MAML3: variants seen among roughly 807,000 people sequenced by gnomAD.
The protein encoded by MAML3 is mastermind-like protein 3.
A neutral mutation model predicts 101.9 loss-of-function variants in MAML3; 27 were observed. The observed-to-expected ratio is 0.27, with a 90% confidence interval of 0.20 to 0.37. The LOEUF is 0.37. MAML3 is among the 10% of genes least tolerant of loss of function. MAML3 has a pLI of 1.00. For missense variants in MAML3, 1,316 were observed against 1,444.9 expected, an observed-to-expected ratio of 0.91 and a Z score of 1.45; for synonymous variants, 501 against 555.9, an observed-to-expected ratio of 0.90 and a Z score of 1.39.
chr4:139,934,551 C>T (rs1367247508), intron 1 of MAML3, among the ~76,000 whole-genome samples: 3 of 152,058 alleles, frequency 2.0e-5, no homozygotes, highest in East Asian at 3.9e-4. Context: ...TCCATCACCC[C>T]CTCAGAAAGA....
Position 139,845,272 on chromosome 4 carries a change from T to C in MAML3, c.2079+44085A>G, listed in dbSNP as rs542444862. Among the ~76,000 whole-genome samples, 5 of 152,162 alleles carry C rather than the reference T, an allele frequency of 3.3e-5. No homozygotes were observed. The South Asian group carries it at 1.0e-3, about 32-fold the overall frequency. ...GGTGACAGAGAGGGGGAACTAGACA[T>C]GTGGCTGCATTAGACAGAGTACACA... On this transcript the variant is annotated intron_variant, in intron 2 of 4. Transcript: ENST00000509479.
At chr4:139,902,269 A>ACACGCGCG (rs1732741208) in intron 1 of MAML3, among the ~76,000 whole-genome samples, 2 of 68,404 alleles carry the variant, frequency 2.9e-5, no homozygotes, top group Non-Finnish European at 1.0e-4. Flanking sequence ...ACACGCACAC[A>ACACGCGCG]CACACGCACA....
chr4:139,737,107 T>C (rs749596782), intron 2 of MAML3, among the ~76,000 whole-genome samples: 10 of 152,120 alleles, frequency 6.6e-5, no homozygotes, highest in Non-Finnish European at 7.4e-5. Flanking sequence ...TCCCCTATAA[T>C]GCCCTTGCTA....
At chr4:140,011,334 C>CGTG (rs1726556729) in intron 1 of MAML3, among the ~76,000 whole-genome samples, 1 of 81,012 alleles carries the variant, frequency 1.2e-5, no homozygotes, top group Non-Finnish European at 3.0e-5. Context: ...TCAAGGTTTT[C>CGTG]TTGTTTTGTT....
chr4:139,719,696 G>A lies in MAML3; in HGVS notation c.3044C>T (p.Thr1015Met), dbSNP rs370016853. 1.1e-5 allele frequency: 18 copies of A among 1,613,568 alleles called. No homozygotes were observed. The highest frequency in any genetic ancestry group is 6.6e-5 in the South Asian group (6 of 91,012). The change falls in exon 5 of 5, where the codon ACG (threonine) becomes ATG (methionine). Residue 1015 changes from threonine to methionine, a missense_variant. By Grantham distance (81) the Thr-to-Met change is moderately conservative. Transcript: ENST00000509479. ...TGGGTTGAGGGTCCTCACTGTGCCC[G>A]TGTTAGCATCCACGACTGACTGGCT... ...GLSQSVVDAN[T>M]GTVRTLNPAA...
rs116088978 is a variant in MAML3 at position 139,746,910 on chromosome 4, G to A, written c.2080-16243C>T. On this transcript the variant is annotated intron_variant, in intron 2 of 4. Coordinates refer to ENST00000509479, the MANE Select transcript of MAML3 (RefSeq NM_018717.5). ...AATCGGGTGGGAGGGGGTTGCTGGC[G>A]TCTGCTGTCCTGGACTAGGCCAGCT... Among the ~76,000 whole-genome samples, 756 of 152,224 alleles carry A rather than the reference G, an allele frequency of 5.0e-3. 9 individuals are homozygous for A. Among genetic ancestry groups the A allele is most frequent in the African/African-American group, 0.016 (668 of 41,522 alleles).
At chr4:139,915,284 A>T (rs1733005108) in intron 1 of MAML3, among the ~76,000 whole-genome samples, 1 of 152,250 alleles carries the variant, frequency 6.6e-6, no homozygotes. Flanking sequence ...CAGGAAGAGA[A>T]AAAAACCAAC....
intron 2 of MAML3, among the ~76,000 whole-genome samples, chr4:139,742,378 A>G (rs988465220): frequency 6.6e-6 from 1 of 151,946 alleles, no homozygotes; most frequent in Non-Finnish European, 1.5e-5. Flanking sequence ...CAAACTCCTG[A>G]CCCCAGGTAA....
At chr4:139,814,025 AACACACACAC>A (rs70943442) in intron 2 of MAML3, among the ~76,000 whole-genome samples, 14 of 145,136 alleles carry the variant, frequency 9.6e-5, no homozygotes, top group Admixed American at 2.1e-4. Context: ...CACAAACACA[AACACACACAC>A]ACACACACAC....
chr4:140,043,924 C>T (rs1727133012), intron 1 of MAML3, among the ~76,000 whole-genome samples: 1 of 152,124 alleles, frequency 6.6e-6, no homozygotes, highest in Admixed American at 6.6e-5. Context: ...GAAAAGTAAG[C>T]AGCGTCTTTT....
At chr4:140,109,282 A>G (rs923600450) in intron 1 of MAML3, among the ~76,000 whole-genome samples, 1 of 152,240 alleles carries the variant, frequency 6.6e-6, no homozygotes, top group African/African-American at 2.4e-5. Flanking sequence ...ATAACAGACT[A>G]CAACTCTATA....
At chr4:139,993,552 G>C (rs185577516) in intron 1 of MAML3, among the ~76,000 whole-genome samples, 2 of 150,550 alleles carry the variant, frequency 1.3e-5, no homozygotes, top group Non-Finnish European at 3.0e-5. Context: ...TTGGCCTGGC[G>C]CAGTGGCTCA....
intron 2 of MAML3, among the ~76,000 whole-genome samples, chr4:139,839,705 G>A (rs549567290): frequency 4.6e-5 from 7 of 152,224 alleles, no homozygotes; most frequent in Middle Eastern, 3.4e-3. Context: ...GATGGAAACC[G>A]TGCATTTTTT....
chr4:139,981,242 G>A lies in MAML3; in HGVS notation c.469-90275C>T, dbSNP rs563301090. ...CCATCTCTCTGTGCACAGACACCCC[G>A]GTGTTTCTTTTCTTTTAAGGACACC... On this transcript the variant is annotated intron_variant, in intron 1 of 4. Coordinates refer to ENST00000509479, the MANE Select transcript of MAML3 (RefSeq NM_018717.5). 6.6e-5 allele frequency among the ~76,000 whole-genome samples: 10 copies of A among 152,216 alleles called. No homozygotes were observed. The East Asian group carries it at 1.2e-3, about 18-fold the overall frequency.
intron 1 of MAML3, among the ~76,000 whole-genome samples, chr4:139,935,019 C>A (rs1288211258): frequency 6.6e-6 from 1 of 152,056 alleles, no homozygotes; most frequent in Non-Finnish European, 1.5e-5. Context: ...TATCAGTTTG[C>A]CAGCTACTTA....
chr4:140,002,919 A>G (rs979472946), intron 1 of MAML3, among the ~76,000 whole-genome samples: 1 of 152,242 alleles, frequency 6.6e-6, no homozygotes, highest in Non-Finnish European at 1.5e-5. Flanking sequence ...CCAGGTAGGC[A>G]CTGGCAGGGT....
At chr4:140,122,080 G>A (rs1403233384) in intron 1 of MAML3, among the ~76,000 whole-genome samples, 2 of 152,156 alleles carry the variant, frequency 1.3e-5, no homozygotes, top group Non-Finnish European at 2.9e-5. Context: ...TTGGAACTGC[G>A]AGTCGATTAA....
intron 1 of MAML3, among the ~76,000 whole-genome samples, chr4:140,074,275 T>C (rs1727730834): frequency 6.9e-6 from 1 of 144,736 alleles, no homozygotes. Context: ...ACATGTGTAC[T>C]ATGAGGGAGA....
intron 1 of MAML3, among the ~76,000 whole-genome samples, chr4:139,974,105 G>GTTTTTTT (rs34721976): frequency 8.0e-6 from 1 of 125,202 alleles, no homozygotes; most frequent in East Asian, 2.3e-4. Flanking sequence ...ACATTTAATA[G>GTTTTTTT]TTTTTTTTTT....
Sources: gnomAD v4.1 joint callset for allele counts (sites outside exome capture counted in the v4.1 genomes callset) on GRCh38, gnomAD v4.1.1 for gene constraint, MANE v1.5 for transcripts, NCBI Gene and HGNC (gene_info 2026-07-23, HGNC 2026-07-21) for gene names.